RTL9: variants seen among roughly 807,000 people sequenced by gnomAD.
The protein encoded by RTL9 is retrotransposon Gag-like protein 9.
In RTL9, 19 loss-of-function variants were observed where a neutral mutation model predicts 44.7. The ratio of observed to expected loss-of-function variants is 0.42; its 90% confidence interval spans 0.30 to 0.62. The LOEUF is 0.62. Ranked by LOEUF, RTL9 falls within the 20% of genes least tolerant of loss-of-function variation. RTL9 has a pLI of 0.16. For missense variants in RTL9, 1,105 were observed against 1,080.6 expected, an observed-to-expected ratio of 1.02 and a Z score of -0.32; for synonymous variants, 407 against 398.9, an observed-to-expected ratio of 1.02 and a Z score of -0.24.
At chrX:110,406,828 T>C (rs1278107505) in intron 1 of RTL9, among the ~76,000 whole-genome samples, 3 of 112,396 alleles carry the variant, frequency 2.7e-5, no homozygotes, top group Non-Finnish European at 5.6e-5. Context: ...AAATATTGAC[T>C]GATTGATGAA....
chrX:110,450,225 A>G (rs760686193), upstream of RTL9, among the ~76,000 whole-genome samples: 125 of 111,352 alleles, frequency 1.1e-3, no homozygotes, highest in African/African-American at 4.0e-3. Context: ...GTGGGATAGA[A>G]TACAGGCCAG....
intron 1 of RTL9, among the ~76,000 whole-genome samples, chrX:110,376,523 G>T (rs893497230): frequency 8.9e-6 from 1 of 112,066 alleles, no homozygotes; most frequent in Non-Finnish European, 1.9e-5. Flanking sequence ...AGATGAGAGA[G>T]AATTCTGCAA....
chrX:110,437,716 G>A (rs974894693), intron 1 of RTL9, among the ~76,000 whole-genome samples: 3 of 111,616 alleles, frequency 2.7e-5, no homozygotes, highest in Non-Finnish European at 5.7e-5. Flanking sequence ...CAAAGGGTGG[G>A]AAGGGGGTCT....
At chrX:110,389,947 A>G (rs1469489948) in intron 1 of RTL9, among the ~76,000 whole-genome samples, 2 of 112,204 alleles carry the variant, frequency 1.8e-5, no homozygotes, top group Non-Finnish European at 3.8e-5. Flanking sequence ...TTATTTCACC[A>G]AGGACAGAGT....
At chrX:110,429,390 T>A (rs932708498) in intron 1 of RTL9, among the ~76,000 whole-genome samples, 7 of 111,418 alleles carry the variant, frequency 6.3e-5, no homozygotes, top group Non-Finnish European at 1.3e-4. Flanking sequence ...TTATTAGCTA[T>A]GCAACATTGA....
chrX:110,452,289 G>T, exon 1 of RTL9: 2 of 1,211,617 alleles, frequency 1.7e-6, no homozygotes, highest in Non-Finnish European at 2.2e-6. Context: ...GAGAACCATG[G>T]CCTCAGGATT....
At chrX:110,389,452 A>C (rs769907879) in intron 1 of RTL9, among the ~76,000 whole-genome samples, 3 of 112,252 alleles carry the variant, frequency 2.7e-5, no homozygotes, top group African/African-American at 9.7e-5. Context: ...GTCTGCCACA[A>C]GTTGGCTTGC....
chrX:110,451,858 C>G, exon 1 of RTL9: 2 of 1,210,958 alleles, frequency 1.7e-6, no homozygotes, highest in Non-Finnish European at 2.2e-6. Context: ...ATGTCCACAC[C>G]GCTAATGGGA....
At chrX:110,362,704 T>A (rs905526327) in intron 1 of RTL9, among the ~76,000 whole-genome samples, 5 of 112,102 alleles carry the variant, frequency 4.5e-5, no homozygotes, top group African/African-American at 1.6e-4. Flanking sequence ...CTGACTGTTC[T>A]TTCATACTTC....
At chrX:110,451,850 G>C in exon 1 of RTL9, 1 of 1,212,055 alleles carries the variant, frequency 8.3e-7, no homozygotes. Context: ...CTGGAGCAAT[G>C]TCCACACCGC....
chrX:110,390,244 G>C (rs1003879191), intron 1 of RTL9, among the ~76,000 whole-genome samples: 2 of 111,966 alleles, frequency 1.8e-5, no homozygotes, highest in African/African-American at 6.5e-5. Flanking sequence ...GGAGTCCCTT[G>C]TAGATCCATG....
At chrX:110,360,801 C>T (rs1016288963) in intron 1 of RTL9, among the ~76,000 whole-genome samples, 8 of 110,345 alleles carry the variant, frequency 7.2e-5, no homozygotes, top group African/African-American at 2.6e-4. Flanking sequence ...TCCTGGACTA[C>T]AATGGTAGCA....
intron 1 of RTL9, among the ~76,000 whole-genome samples, chrX:110,381,214 A>G (rs75236037): frequency 0.039 from 4,339 of 112,050 alleles, 207 homozygotes; most frequent in African/African-American, 0.13. Flanking sequence ...CAGCATCTAT[A>G]AGGAACTTAA....
chrX:110,450,842 T>C (rs371300871), exon 1 of RTL9: 13 of 1,209,823 alleles, frequency 1.1e-5, no homozygotes, highest in African/African-American at 1.8e-5. Flanking sequence ...ACACCATGTC[T>C]GCACCTCTAA....
intron 1 of RTL9, among the ~76,000 whole-genome samples, chrX:110,397,510 A>G (rs1053245084): frequency 8.1e-5 from 9 of 110,648 alleles, no homozygotes; most frequent in African/African-American, 3.0e-4. Context: ...AGCTGCTACC[A>G]TTCCTTGGCT....
exon 1 of RTL9, chrX:110,453,868 C>A: frequency 8.2e-7 from 1 of 1,212,152 alleles, no homozygotes; most frequent in Non-Finnish European, 1.1e-6. Context: ...ACAATGTCCA[C>A]ACCACAGACA....
At chrX:110,388,111 C>A (rs1037688297) in intron 1 of RTL9, among the ~76,000 whole-genome samples, 1 of 111,181 alleles carries the variant, frequency 9.0e-6, no homozygotes, top group African/African-American at 3.3e-5. Flanking sequence ...TCATGATCTG[C>A]CCGCCTCAGC....
At chrX:110,365,557 G>A (rs2068291767) in intron 1 of RTL9, among the ~76,000 whole-genome samples, 1 of 111,682 alleles carries the variant, frequency 9.0e-6, no homozygotes, top group Non-Finnish European at 1.9e-5. Context: ...AATAACTTTT[G>A]GGGAGAATGC....
upstream of RTL9, among the ~76,000 whole-genome samples, chrX:110,417,917 C>T (rs1263885710): frequency 8.9e-6 from 1 of 112,518 alleles, no homozygotes; most frequent in Non-Finnish European, 1.9e-5. Flanking sequence ...TCCAGTCCAC[C>T]AGCCTGTACC....
Sources: gnomAD v4.1 joint callset for allele counts (sites outside exome capture counted in the v4.1 genomes callset) on GRCh38, gnomAD v4.1.1 for gene constraint, MANE v1.5 for transcripts, NCBI Gene and HGNC (gene_info 2026-07-23, HGNC 2026-07-21) for gene names.